Variants in PCDHGB1 observed in about 807,000 individuals in gnomAD.
PCDHGB1 encodes the protein protocadherin gamma subfamily B, 1.
PCDHGB1 carries 34 observed loss-of-function variants against 56.6 expected under a neutral mutation model. That is an observed-to-expected ratio of 0.60 (90% CI 0.46 to 0.80). The LOEUF (loss-of-function observed/expected upper bound fraction) is 0.80. PCDHGB1 is among the 30% of genes least tolerant of loss of function. The pLI is 0.00. For synonymous variants in PCDHGB1, 561 were observed against 505.9 expected, an observed-to-expected ratio of 1.11 and a Z score of -1.46; for missense variants, 1,278 against 1,204.6, an observed-to-expected ratio of 1.06 and a Z score of -0.90.
At chr5:141,446,288 G>C (rs1437669688) in intron 1 of PCDHGB1, among the ~76,000 whole-genome samples, 1 of 152,100 alleles carries the variant, frequency 6.6e-6, no homozygotes, top group Non-Finnish European at 1.5e-5. Flanking sequence ...GGATAAATGG[G>C]GAGCAGGGAT....
At chr5:141,442,974 A>C (rs1444888648) in intron 1 of PCDHGB1, among the ~76,000 whole-genome samples, 1 of 152,176 alleles carries the variant, frequency 6.6e-6, no homozygotes, top group Non-Finnish European at 1.5e-5. Flanking sequence ...CTGGCTGATA[A>C]AGTTAGCCTA....
chr5:141,378,114 A>C (rs1024564517), intron 1 of PCDHGB1: 2 of 152,284 alleles, frequency 1.3e-5, no homozygotes, highest in Non-Finnish European at 2.9e-5. Context: ...CAGCATAGTG[A>C]ACACGTATTT....
At chr5:141,449,471 G>T (rs1261821886) in intron 1 of PCDHGB1, among the ~76,000 whole-genome samples, 1 of 151,060 alleles carries the variant, frequency 6.6e-6, no homozygotes, top group African/African-American at 2.4e-5. Flanking sequence ...GCCAGGCCTG[G>T]TACCCCATGC....
chr5:141,491,507 C>A lies in PCDHGB1; in HGVS notation c.2410-3300C>A, dbSNP rs755899622. 1.9e-6 allele frequency: 3 copies of A among 1,614,038 alleles called. No individual in the cohort carries two copies. The highest frequency in any genetic ancestry group is 1.6e-4 in the Middle Eastern group (1 of 6,062). Reference sequence around the variant, plus strand: ...AACCTGCAGGTGAGCTCGGACGGCACGCTCAAGTACATGGAGGTGACGCTG... The same window carrying A: ...AACCTGCAGGTGAGCTCGGACGGCAAGCTCAAGTACATGGAGGTGACGCTG... On this transcript the variant is annotated intron_variant, in intron 1 of 3. Transcript: ENST00000523390. The surrounding 1 kb of genome is among the most constrained non-coding windows in gnomAD (Gnocchi z 6.9).
chr5:141,397,919 C>T (rs1158998805), intron 1 of PCDHGB1: 12 of 723,342 alleles, frequency 1.7e-5, no homozygotes, highest in Non-Finnish European at 2.2e-5. Context: ...TCCAGATCTC[C>T]TCGCGCAGCC....
At position 141,433,142 on chromosome 5, in the gene PCDHGB1, G is replaced by T. The variant is rs2097571106; in HGVS notation, c.2410-61665G>T. On this transcript the variant is annotated intron_variant, in intron 1 of 3. Coordinates refer to ENST00000523390, the MANE Select transcript of PCDHGB1 (RefSeq NM_018922.3). ...AAAAAGCGAGCCCCTTTTGCTGTCA[G>T]GTGATTCGGTATTTTCTAAAGACAG... The T allele has an allele frequency of 4.7e-5, 76 of 1,613,992 alleles. No homozygotes were observed. Among genetic ancestry groups the T allele is most frequent in the Non-Finnish European group, 6.4e-5 (76 of 1,180,016 alleles).
chr5:141,414,209 A>G (rs2095719803), intron 1 of PCDHGB1: 3 of 1,612,712 alleles, frequency 1.9e-6, no homozygotes, highest in South Asian at 2.2e-5. Flanking sequence ...GAAGATGTAA[A>G]TGACAACAGT....
chr5:141,388,774 G>T, intron 1 of PCDHGB1: 1 of 1,613,878 alleles, frequency 6.2e-7, no homozygotes, highest in Non-Finnish European at 8.5e-7. Context: ...TCTAACACCG[G>T]GGAAATTACT....
At position 141,394,887 on chromosome 5, in the gene PCDHGB1, T is replaced by C. The variant is rs781200096; in HGVS notation, c.2409+42218T>C. 63 of 1,613,752 alleles carry C rather than the reference T, an allele frequency of 3.9e-5. 1 individual carries two copies. In the Admixed American group the frequency reaches 1.0e-3, roughly 26 times the overall value. ...CCCGAACGATTCGAGCCTTACACTC[T>C]ATCTCGTGGTGGCAGTGGCTGCCAT... is the stretch of plus-strand genomic sequence containing the variant. On this transcript the variant is annotated intron_variant, in intron 1 of 3. Coordinates refer to ENST00000523390, the MANE Select transcript of PCDHGB1 (RefSeq NM_018922.3).
intron 1 of PCDHGB1, chr5:141,403,591 G>A (rs1377998886): frequency 2.5e-6 from 4 of 1,613,836 alleles, no homozygotes; most frequent in East Asian, 2.2e-5. Context: ...TGGTCCTCAC[G>A]GCCTCGGATG....
At position 141,477,866 on chromosome 5, in the gene PCDHGB1, A is replaced by G; in HGVS notation, c.2410-16941A>G. ...CTCGGTGGAGATGCTGCCTCGAGGT[A>G]CCTCAGCTGGCCACCTAGTGTCACG... On this transcript the variant is annotated intron_variant, in intron 1 of 3. Coordinates refer to ENST00000523390, the MANE Select transcript of PCDHGB1 (RefSeq NM_018922.3). This position sits in a 1 kb window ranked among gnomAD's most constrained non-coding sequence, Gnocchi z 4.9. 1 of 1,614,072 alleles carries G rather than the reference A, an allele frequency of 6.2e-7. No homozygotes were observed. Among genetic ancestry groups the G allele is most frequent in the Non-Finnish European group, 8.5e-7 (1 of 1,179,988 alleles).
intron 1 of PCDHGB1, chr5:141,409,009 G>A (rs1189849996): frequency 6.2e-7 from 1 of 1,613,994 alleles, no homozygotes. Context: ...CCACTGACCA[G>A]GATGAGGGGG....
chr5:141,362,112 G>A, intron 1 of PCDHGB1: 1 of 1,613,988 alleles, frequency 6.2e-7, no homozygotes, highest in Non-Finnish European at 8.5e-7. Flanking sequence ...CTACGGCCAC[G>A]CTGCACCTAA....
intron 1 of PCDHGB1, among the ~76,000 whole-genome samples, chr5:141,484,535 A>G (rs2099597486): frequency 6.6e-6 from 1 of 152,178 alleles, no homozygotes. Flanking sequence ...AGTATATGGC[A>G]GTGGTTCTAA....
At chr5:141,407,978 A>T (rs1354199341) in intron 1 of PCDHGB1, 8 of 743,974 alleles carry the variant, frequency 1.1e-5, no homozygotes, top group Non-Finnish European at 1.4e-5. Flanking sequence ...GACGCCGGGG[A>T]TCCGTCAGCC....
Position 141,486,170 on chromosome 5 carries a change from C to A in PCDHGB1, c.2410-8637C>A. ...TGGGGGTTCTCCAGCCATGGAGCAACATTGCAGCCTTCGAGTGGATCTGCT... is the reference window on the plus strand; with the variant it reads ...TGGGGGTTCTCCAGCCATGGAGCAAAATTGCAGCCTTCGAGTGGATCTGCT... On this transcript the variant is annotated intron_variant, in intron 1 of 3. Coordinates refer to ENST00000523390, the MANE Select transcript of PCDHGB1 (RefSeq NM_018922.3). This position sits in a 1 kb window ranked among gnomAD's most constrained non-coding sequence, Gnocchi z 5.0. 6.2e-7 allele frequency: 1 copy of A among 1,614,234 alleles called. No homozygotes were observed. Among genetic ancestry groups the A allele is most frequent in the African/African-American group, 1.3e-5 (1 of 75,052 alleles).
intron 1 of PCDHGB1, chr5:141,399,959 G>T (rs1257286209): frequency 6.2e-7 from 1 of 1,612,230 alleles, no homozygotes; most frequent in East Asian, 2.2e-5. Context: ...AGCGAGCCCG[G>T]GCTCTTCAGC....
chr5:141,464,271 A>AT (rs1336006891), intron 1 of PCDHGB1, among the ~76,000 whole-genome samples: 1 of 136,538 alleles, frequency 7.3e-6, no homozygotes, highest in Non-Finnish European at 1.5e-5. Flanking sequence ...TCTAAAAAAA[A>AT]AAAAAAGCAA....
rs992592523 is a variant in PCDHGB1 at position 141,432,710 on chromosome 5, C to T, written c.2410-62097C>T. ...CGTAGTGGCCGTCCAGGACCACGGC[C>T]AGCCCCCTCTCTCCGCCACTGTCAC... On this transcript the variant is annotated intron_variant, in intron 1 of 3. Coordinates refer to ENST00000523390, the MANE Select transcript of PCDHGB1 (RefSeq NM_018922.3). This position sits in a 1 kb window ranked among gnomAD's most constrained non-coding sequence, Gnocchi z 6.0. The T allele has an allele frequency of 6.2e-7, 1 of 1,613,884 alleles. No homozygotes were observed.
Sources: allele counts gnomAD v4.1 joint callset (sites outside exome capture counted in the v4.1 genomes callset), GRCh38; gene constraint gnomAD v4.1.1; non-coding constraint Gnocchi (gnomAD v3.1); transcripts MANE v1.5; gene names NCBI Gene and HGNC (gene_info 2026-07-23, HGNC 2026-07-21).